Variants in EFCAB5 observed in about 807,000 individuals in gnomAD.
EFCAB5 encodes EF-hand calcium-binding domain-containing protein 5.
In EFCAB5, 131 loss-of-function variants were observed where a neutral mutation model predicts 167.9. The ratio of observed to expected loss-of-function variants is 0.78; its 90% CI spans 0.68 to 0.90. EFCAB5 has a LOEUF of 0.90. Among genes scored for constraint, EFCAB5 ranks in the 40% least tolerant of loss-of-function variants. The pLI, the probability that EFCAB5 is intolerant of heterozygous loss-of-function variation, is 0.00. For missense variants in EFCAB5, 1,663 were observed against 1,745.2 expected (o/e 0.95, Z 0.84); for synonymous variants, 574 against 602.8 (o/e 0.95, Z 0.70).
intron 16 of EFCAB5, 28 bp from the exon 17 acceptor site, chr17:30,080,725 C>T (rs1176201080): frequency 6.6e-7 from 1 of 1,510,776 alleles, no homozygotes; most frequent in Non-Finnish European, 9.0e-7. Context: ...CTGTGCCTTT[C>T]TTCCATCCTC....
At chr17:29,996,608 C>T (rs2068549187) in intron 6 of EFCAB5, among the ~76,000 whole-genome samples, 1 of 152,174 alleles carries the variant, frequency 6.6e-6, no homozygotes, top group African/African-American at 2.4e-5. Flanking sequence ...TATCCTATGA[C>T]ATTCCTAGAA....
intron 22 of EFCAB5, among the ~76,000 whole-genome samples, chr17:30,102,987 C>T (rs2071401320): frequency 6.6e-6 from 1 of 151,702 alleles, no homozygotes. Flanking sequence ...TAGAGGCCCA[C>T]ACCACCATGC....
At chr17:29,970,653 C>CACACACACACAT (rs1374613959) in intron 4 of EFCAB5, among the ~76,000 whole-genome samples, 15 of 145,548 alleles carry the variant, frequency 1.0e-4, no homozygotes, top group Admixed American at 4.7e-4. Flanking sequence ...CACACACACA[C>CACACACACACAT]ACACACACAC....
chr17:30,069,971 G>A (rs532386727), intron 14 of EFCAB5, among the ~76,000 whole-genome samples: 5 of 152,166 alleles, frequency 3.3e-5, no homozygotes, highest in Non-Finnish European at 4.4e-5. Context: ...TGGCAGGGGG[G>A]GCTGCTCCAG....
At chr17:30,096,677 A>ATATTTTTTTTTTTTT (rs1193558323) in intron 22 of EFCAB5, among the ~76,000 whole-genome samples, 1 of 60,122 alleles carries the variant, frequency 1.7e-5, no homozygotes, top group African/African-American at 8.4e-5. Flanking sequence ...ATATATATAT[A>ATATTTTTTTTTTTTT]TTTTTTTTTT....
At chr17:30,103,710 G>T (rs1221392392) in intron 22 of EFCAB5, among the ~76,000 whole-genome samples, 7 of 152,118 alleles carry the variant, frequency 4.6e-5, no homozygotes, top group Non-Finnish European at 1.0e-4. Flanking sequence ...CCTACAAAAA[G>T]ATTGATTGAA....
intron 7 of EFCAB5, among the ~76,000 whole-genome samples, chr17:30,016,145 G>A (rs184698637): frequency 1.5e-3 from 231 of 152,196 alleles, no homozygotes; most frequent in African/African-American, 5.3e-3. Flanking sequence ...TGATTTGCAA[G>A]TATTTTCTCC....
intron 3 of EFCAB5, among the ~76,000 whole-genome samples, chr17:29,944,173 T>C (rs1180033614): frequency 6.6e-6 from 1 of 152,134 alleles, no homozygotes; most frequent in Non-Finnish European, 1.5e-5. Context: ...AGTCCTGGGT[T>C]CAAGTGATCC....
chr17:29,943,207 T>C (rs919679226), intron 2 of EFCAB5, among the ~76,000 whole-genome samples: 3 of 152,182 alleles, frequency 2.0e-5, no homozygotes, highest in Non-Finnish European at 4.4e-5. Context: ...AGTAAAACAG[T>C]AGCATTTCCA....
intron 15 of EFCAB5, among the ~76,000 whole-genome samples, chr17:30,079,339 T>C (rs919210986): frequency 2.0e-5 from 3 of 152,002 alleles, no homozygotes; most frequent in African/African-American, 4.8e-5. Context: ...AGATCTTGTA[T>C]GTGGAAAGAA....
At chr17:29,936,385 A>G (rs2067245731) in intron 1 of EFCAB5, among the ~76,000 whole-genome samples, 1 of 152,188 alleles carries the variant, frequency 6.6e-6, no homozygotes. Context: ...CAGCACACCA[A>G]CATGGCACAT....
rs376612597 is a variant in EFCAB5 at position 30,105,597 on chromosome 17, C to T, written c.4322-2237C>T. The stretch of plus-strand genomic sequence containing the variant: ...GTATGTCGATTGGTCTAGTATTGCT[C>T]ATAAAATGAGATGAATCAGGTATTT... On this transcript the variant is annotated intron_variant, in intron 22 of 22. Coordinates refer to ENST00000394835, the MANE Select transcript of EFCAB5 (RefSeq NM_198529.4). 3.5e-4 allele frequency among the ~76,000 whole-genome samples: 54 copies of T among 152,262 alleles called. No individual in the cohort carries two copies. The South Asian group carries it at 0.01, about 29-fold the overall frequency.
chr17:30,088,876 C>T (rs1285737114), intron 19 of EFCAB5, among the ~76,000 whole-genome samples: 1 of 152,172 alleles, frequency 6.6e-6, no homozygotes, highest in Non-Finnish European at 1.5e-5. Flanking sequence ...ATTCCTTGTG[C>T]TGGTCAAAAG....
intron 5 of EFCAB5, among the ~76,000 whole-genome samples, chr17:29,993,911 G>A (rs941632179): frequency 5.1e-4 from 77 of 151,698 alleles, no homozygotes; most frequent in African/African-American, 1.8e-3. Context: ...TTGAGGCCAG[G>A]AATTCGAGAC....
In EFCAB5 at chr17:29,968,784, C is replaced by A; in HGVS notation, c.191-7C>A. The A allele has an allele frequency of 6.9e-7, 1 of 1,444,374 alleles. No homozygotes were observed. Among genetic ancestry groups the A allele is most frequent in the Non-Finnish European group, 9.1e-7 (1 of 1,096,866 alleles). The allele number at this position is 1,444,374 out of a possible 1,614,324, so 89.5% of individuals were successfully genotyped here. A position where few individuals can be genotyped will look rare whatever the true frequency, so the allele number is the denominator to read the frequency against. On this transcript the variant is annotated splice_polypyrimidine_tract_variant and splice_region_variant and intron_variant, in intron 3 of 22. Coordinates refer to ENST00000394835, the MANE Select transcript of EFCAB5 (RefSeq NM_198529.4). The stretch of plus-strand genomic sequence containing the variant: ...ATTTCTTACATTTCACTTTTTTTTC[C>A]CCTCAGAATTAAACCTGGAGGGGCA...
At chr17:30,058,277 A>G (rs186465663) in intron 13 of EFCAB5, among the ~76,000 whole-genome samples, 1 of 152,212 alleles carries the variant, frequency 6.6e-6, no homozygotes, top group African/African-American at 2.4e-5. Flanking sequence ...ATTTTTACTC[A>G]TGAGCACCCA....
intron 7 of EFCAB5, among the ~76,000 whole-genome samples, chr17:30,020,460 G>A (rs1032032612): frequency 1.3e-5 from 2 of 151,162 alleles, no homozygotes; most frequent in African/African-American, 4.9e-5. Context: ...CGCCTTCCAG[G>A]TTCAAGCAAT....
chr17:30,013,913 C>G lies in EFCAB5; in HGVS notation c.1044+13937C>G, dbSNP rs2068969360. 2.0e-5 allele frequency among the ~76,000 whole-genome samples: 3 copies of G among 152,216 alleles called. No homozygotes were observed. The South Asian group carries it at 6.2e-4, about 32-fold the overall frequency. On this transcript the variant is annotated intron_variant, in intron 7 of 22. Transcript: ENST00000394835. ...TGATGTTAGGGTGTCGATTTTAGAT[C>G]TTTCCTGCTTTCTCTTGTGGGCATT...
intron 5 of EFCAB5, among the ~76,000 whole-genome samples, chr17:29,993,835 C>T (rs1036590919): frequency 1.3e-5 from 2 of 151,928 alleles, no homozygotes; most frequent in Non-Finnish European, 2.9e-5. Flanking sequence ...GAAGACATAT[C>T]TGGTTGGGTG....
Sources: gnomAD v4.1 joint callset for allele counts (sites outside exome capture counted in the v4.1 genomes callset) on GRCh38, gnomAD v4.1.1 for gene constraint, MANE v1.5 for transcripts, NCBI Gene and HGNC (gene_info 2026-07-23, HGNC 2026-07-21) for gene names.